The following TJP2 variants were observed in gnomAD, a reference collection of about 807,000 sequenced individuals.
TJP2 encodes tight junction protein 2.
In TJP2, 91 loss-of-function variants were observed where a neutral mutation model predicts 133.1. The observed-to-expected ratio is 0.68, with a 90% CI of 0.58 to 0.81. The LOEUF (loss-of-function observed/expected upper bound fraction) is 0.81, where lower values mean the gene tolerates loss of function less well. Ranked by LOEUF, TJP2 falls within the 40% of genes least tolerant of loss-of-function variation. The pLI is 0.00. For missense variants in TJP2, 1,541 were observed against 1,565.6 expected, an observed-to-expected ratio of 0.98 and a Z score of 0.26; for synonymous variants, 592 against 583.4, an observed-to-expected ratio of 1.01 and a Z score of -0.21.
intron 2 of TJP2, among the ~76,000 whole-genome samples, chr9:69,215,390 G>T (rs369986958): frequency 3.7e-4 from 56 of 149,578 alleles, no homozygotes; most frequent in African/African-American, 1.2e-3. Context: ...GAAAGTTGTG[G>T]TTTTTTTTTT....
intron 2 of TJP2, among the ~76,000 whole-genome samples, chr9:69,164,068 A>C (rs1449662617): frequency 6.6e-6 from 1 of 152,110 alleles, no homozygotes; most frequent in Non-Finnish European, 1.5e-5. Flanking sequence ...AGAACCATAA[A>C]TTTTATGAGC....
intron 1 of TJP2, among the ~76,000 whole-genome samples, chr9:69,198,828 A>G (rs1325806594): frequency 6.6e-6 from 1 of 152,282 alleles, no homozygotes; most frequent in Non-Finnish European, 1.5e-5. Flanking sequence ...CAAACGCTAC[A>G]GAAAGTATTG....
intron 1 of TJP2, among the ~76,000 whole-genome samples, chr9:69,176,127 A>G (rs17061953): frequency 0.1 from 15,740 of 152,236 alleles, 904 homozygotes; most frequent in South Asian, 0.17. Context: ...AAATTTAGCA[A>G]AGAGTGGGAT....
At chr9:69,242,926 C>T (rs1274299424) in intron 17 of TJP2, among the ~76,000 whole-genome samples, 3 of 152,176 alleles carry the variant, frequency 2.0e-5, no homozygotes, top group East Asian at 1.9e-4. Context: ...TGCAGTGGCA[C>T]GATCTCGGTT....
intron 1 of TJP2, among the ~76,000 whole-genome samples, chr9:69,180,457 G>A (rs1825417180): frequency 6.6e-6 from 1 of 152,114 alleles, no homozygotes; most frequent in African/African-American, 2.4e-5. Context: ...TGTTCCACTT[G>A]GGGCCATTTT....
intron 1 of TJP2, among the ~76,000 whole-genome samples, chr9:69,150,403 C>T (rs1823415303): frequency 1.3e-5 from 2 of 150,922 alleles, no homozygotes; most frequent in Non-Finnish European, 2.9e-5. Flanking sequence ...CAGTGATTCT[C>T]CTGCCTCAGC....
At chr9:69,209,599 C>A (rs1827706243) in intron 1 of TJP2, among the ~76,000 whole-genome samples, 1 of 150,048 alleles carries the variant, frequency 6.7e-6, no homozygotes, top group South Asian at 2.2e-4. Context: ...ACTAAAAATA[C>A]AAAAATTAGC....
intron 2 of TJP2, among the ~76,000 whole-genome samples, chr9:69,161,214 ATGTGTGTGTG>A (rs111442939): frequency 3.4e-5 from 5 of 148,314 alleles, no homozygotes; most frequent in African/African-American, 1.2e-4. Context: ...GTCATCAGTG[ATGTGTGTGTG>A]TGTGTGTGTG....
rs1563945531 is a variant in TJP2, at chr9:69,236,182, G to A, written c.1935G>A (p.Trp645Ter). ...DTLYDGKLGN[W>*]LAVRIGNELE... The stretch of plus-strand genomic sequence containing the variant: ...TGTATGACGGCAAGCTGGGCAACTG[G>A]CTGGCTGTGAGGATTGGGAACGAGT... Residue 645 changes from tryptophan to a stop codon, truncating the protein, a stop_gained, in exon 13 of 23, where the codon TGG (tryptophan) becomes TGA (stop). Transcript: ENST00000377245. LOFTEE classifies it high-confidence loss of function. 1 of 1,614,144 alleles carries A rather than the reference G, an allele frequency of 6.2e-7. No individual in the cohort carries two copies. The highest frequency in any genetic ancestry group is 1.7e-5 in the Admixed American group (1 of 60,014).
At chr9:69,220,580 G>GT (rs1828743829) in intron 4 of TJP2, among the ~76,000 whole-genome samples, 2 of 152,090 alleles carry the variant, frequency 1.3e-5, no homozygotes, top group South Asian at 2.1e-4. Flanking sequence ...CTGGATTTTT[G>GT]TTTTTTGAGT....
At chr9:69,133,569 T>TG in intron 1 of TJP2, among the ~76,000 whole-genome samples, 1 of 113,276 alleles carries the variant, frequency 8.8e-6, no homozygotes, top group Non-Finnish European at 1.8e-5. Context: ...TTTTTTTTTT[T>TG]GAGACAGGGT....
At chr9:69,189,236 G>A (rs1453196981) in intron 1 of TJP2, among the ~76,000 whole-genome samples, 1 of 152,186 alleles carries the variant, frequency 6.6e-6, no homozygotes, top group East Asian at 1.9e-4. Context: ...GGAGGAGGAG[G>A]ACACTGATAA....
chr9:69,145,429 C>T (rs931743757), intron 1 of TJP2, among the ~76,000 whole-genome samples: 6 of 152,144 alleles, frequency 3.9e-5, no homozygotes, highest in Non-Finnish European at 5.9e-5. Flanking sequence ...ATTAGATCGC[C>T]GTGTTTAAAA....
chr9:69,161,193 A>G (rs1285301013), intron 2 of TJP2, among the ~76,000 whole-genome samples: 2 of 151,646 alleles, frequency 1.3e-5, no homozygotes, highest in African/African-American at 4.9e-5. Context: ...ATGCCTGGCC[A>G]ATAGCTGTAG....
intron 1 of TJP2, among the ~76,000 whole-genome samples, chr9:69,192,727 A>G (rs750528249): frequency 2.0e-5 from 3 of 152,028 alleles, no homozygotes; most frequent in Non-Finnish European, 2.9e-5. Context: ...CCTACTCCTC[A>G]GTAGCGTGCT....
At chr9:69,248,304 GGT>G (rs1477120497) in intron 19 of TJP2, 80 bp downstream of exon 19, 2 of 1,502,186 alleles carry the variant, frequency 1.3e-6, no homozygotes. Context: ...GTGTGTTCAG[GGT>G]GCTGTGGAAG....
chr9:69,237,165 G>T, intron 14 of TJP2, 29 bp downstream of exon 14: 2 of 1,613,094 alleles, frequency 1.2e-6, no homozygotes, highest in South Asian at 2.2e-5. Flanking sequence ...GCCTGGAAAT[G>T]AACTGACTGG....
At chr9:69,225,938 T>G in intron 6 of TJP2, 84 bp from the exon 7 acceptor site, 1 of 1,464,642 alleles carries the variant, frequency 6.8e-7, no homozygotes, top group East Asian at 2.3e-5. Flanking sequence ...AGCAAAGCCT[T>G]TACATTTTTA....
rs773582506 is a variant in TJP2, at chr9:69,240,125, A to G, written c.2544A>G (p.Lys848=). 6.2e-7 allele frequency: 1 copy of G among 1,614,080 alleles called. No homozygotes were observed. The highest frequency in any genetic ancestry group is 8.5e-7 in the Non-Finnish European group (1 of 1,179,976). The change falls in exon 17 of 23, where the codon AAA becomes AAG. Residue 848 remains lysine (K), a synonymous_variant. Coordinates refer to ENST00000377245, the MANE Select transcript of TJP2 (RefSeq NM_004817.4). ...TTGATCAAGCCAACAAGCTTAAAAA[A>G]ACGTGTGCACACCTTTTTACAGGTA... ...KLFDQANKLK[K]TCAHLFTATI...
Sources: gnomAD v4.1 joint callset for allele counts (sites outside exome capture counted in the v4.1 genomes callset) on GRCh38, gnomAD v4.1.1 for gene constraint, MANE v1.5 for transcripts, NCBI Gene and HGNC (gene_info 2026-07-23, HGNC 2026-07-21) for gene names.